The following GSE1 variants were observed in gnomAD, a reference collection of about 807,000 sequenced individuals.
GSE1 encodes the protein genetic suppressor element 1.
Under a neutral mutation model 112.6 loss-of-function variants are expected in GSE1, and 32 were observed. The observed-to-expected ratio is 0.28, with a 90% confidence interval of 0.21 to 0.38. The LOEUF (loss-of-function observed/expected upper bound fraction) is 0.38. GSE1 is among the 10% of genes least tolerant of loss of function. The pLI is 1.00. For missense variants in GSE1, 2,348 were observed against 1,699.2 expected, an observed-to-expected ratio of 1.38 and a Z score of -6.71; for synonymous variants, 1,115 against 735.6, an observed-to-expected ratio of 1.52 and a Z score of -8.35.
intron 2 of GSE1, among the ~76,000 whole-genome samples, chr16:85,394,883 C>T (rs907408538): frequency 2.6e-5 from 4 of 152,116 alleles, no homozygotes; most frequent in African/African-American, 9.7e-5. Flanking sequence ...TGGCCCAGAC[C>T]AAGGGTAGAT....
chr16:85,310,447 C>A (rs893817298), intron 1 of GSE1, among the ~76,000 whole-genome samples: 1 of 152,082 alleles, frequency 6.6e-6, no homozygotes, highest in African/African-American at 2.4e-5. Context: ...CTCTGATCAG[C>A]GGTTCCTTCC....
rs374991349 is a variant in GSE1, at chr16:85,519,597, T to A, written c.2465-114317T>A. Among the ~76,000 whole-genome samples, 104 of 119,826 alleles carry A rather than the reference T, an allele frequency of 8.7e-4. 1 individual carries two copies. The highest frequency in any genetic ancestry group is 2.4e-3 in the East Asian group (9 of 3,700). 78.6% of individuals were successfully genotyped at this position (119,826 alleles called of 152,430 possible). A position where few individuals can be genotyped will look rare whatever the true frequency, so the allele number is the denominator to read the frequency against. ...ATCACCAGTCTCCATCATCATCACC[T>A]TCACCACCATCATCACCATCACCAC... On this transcript the variant is annotated intron_variant, in intron 2 of 2. Transcript: ENST00000637419.
chr16:85,614,440 C>T (rs1433981825), intron 1 of GSE1, among the ~76,000 whole-genome samples: 1 of 152,240 alleles, frequency 6.6e-6, no homozygotes, highest in African/African-American at 2.4e-5. Context: ...TCCCCAGCGC[C>T]GGGTGGGGGA....
At chr16:85,630,266 G>A (rs998399953) in intron 1 of GSE1, among the ~76,000 whole-genome samples, 12 of 152,348 alleles carry the variant, frequency 7.9e-5, no homozygotes, top group African/African-American at 2.9e-4. Context: ...TTCATCAGAA[G>A]TGAGTTGCTC....
intron 1 of GSE1, among the ~76,000 whole-genome samples, chr16:85,228,523 G>C (rs1332499521): frequency 6.6e-6 from 1 of 152,220 alleles, no homozygotes; most frequent in Non-Finnish European, 1.5e-5. Context: ...CCCAGCCCTA[G>C]TGTGCTTTCC....
intron 2 of GSE1, among the ~76,000 whole-genome samples, chr16:85,485,097 C>T (rs2050791377): frequency 6.6e-6 from 1 of 152,240 alleles, no homozygotes; most frequent in South Asian, 2.1e-4. Flanking sequence ...TCCGCCACCA[C>T]AGACAAAAGC....
At chr16:85,541,286 A>G (rs933219526) in intron 2 of GSE1, among the ~76,000 whole-genome samples, 1 of 152,164 alleles carries the variant, frequency 6.6e-6, no homozygotes, top group Non-Finnish European at 1.5e-5. Context: ...GTTGGGGGTG[A>G]CCGAGACACA....
At chr16:85,463,713 G>A (rs925636979) in intron 2 of GSE1, among the ~76,000 whole-genome samples, 1 of 152,160 alleles carries the variant, frequency 6.6e-6, no homozygotes, top group Admixed American at 6.5e-5. Flanking sequence ...TCAAGGCCTC[G>A]CATCACTGGC....
intron 2 of GSE1, among the ~76,000 whole-genome samples, chr16:85,430,982 A>G (rs910133717): frequency 6.6e-6 from 1 of 152,056 alleles, no homozygotes; most frequent in South Asian, 2.1e-4. Flanking sequence ...GATACAGAAC[A>G]TTTCCAGCCC....
At chr16:85,338,543 A>C (rs895111227) in intron 1 of GSE1, among the ~76,000 whole-genome samples, 1 of 152,246 alleles carries the variant, frequency 6.6e-6, no homozygotes, top group Admixed American at 6.5e-5. Context: ...AAGATTTGCA[A>C]AGTGCTTGAG....
At chr16:85,614,761 C>G (rs564229765) in intron 1 of GSE1, among the ~76,000 whole-genome samples, 2 of 152,224 alleles carry the variant, frequency 1.3e-5, no homozygotes, top group Non-Finnish European at 2.9e-5. Context: ...AACCCTTGCT[C>G]CCCGCTGCGG....
intron 3 of GSE1, among the ~76,000 whole-genome samples, chr16:85,653,852 G>C (rs1338955563): frequency 6.6e-6 from 1 of 152,198 alleles, no homozygotes; most frequent in Admixed American, 6.5e-5. Flanking sequence ...CTACATCGTG[G>C]CACTCGCTTC....
intron 2 of GSE1, among the ~76,000 whole-genome samples, chr16:85,408,095 C>A (rs1409484217): frequency 2.0e-5 from 1 of 50,102 alleles, no homozygotes; most frequent in Non-Finnish European, 4.1e-5. Flanking sequence ...CACTCAGGGC[C>A]CCCCTGGATA....
chr16:85,660,286 A>G (rs2052323873), intron 8 of GSE1, among the ~76,000 whole-genome samples: 1 of 152,192 alleles, frequency 6.6e-6, no homozygotes, highest in South Asian at 2.1e-4. Flanking sequence ...TGCCTTCCCT[A>G]GCAGCTTAGG....
chr16:85,329,268 T>A (rs1038652922), intron 1 of GSE1, among the ~76,000 whole-genome samples: 3 of 152,188 alleles, frequency 2.0e-5, no homozygotes, highest in African/African-American at 7.2e-5. Flanking sequence ...GGACGCTGGC[T>A]GCCTCCAGGG....
At chr16:85,469,861 G>A (rs1483201630) in intron 2 of GSE1, among the ~76,000 whole-genome samples, 4 of 152,222 alleles carry the variant, frequency 2.6e-5, no homozygotes, top group South Asian at 2.1e-4. Flanking sequence ...GGGACACCAC[G>A]AGTGGGAGGC....
intron 1 of GSE1, among the ~76,000 whole-genome samples, chr16:85,589,358 C>T (rs1329477283): frequency 6.6e-6 from 1 of 152,104 alleles, no homozygotes; most frequent in Admixed American, 6.5e-5. Flanking sequence ...GACCTGAGAG[C>T]CCTGGACGCT....
chr16:85,576,368 C>T (rs114303012), intron 1 of GSE1, among the ~76,000 whole-genome samples: 230 of 152,242 alleles, frequency 1.5e-3, no homozygotes, highest in African/African-American at 5.2e-3. Context: ...TATCTCTTAA[C>T]GAAGGACTTT....
chr16:85,371,189 G>A (rs74034704), intron 2 of GSE1, among the ~76,000 whole-genome samples: 3,872 of 152,270 alleles, frequency 0.025, 149 homozygotes, highest in African/African-American at 0.088. Context: ...GCTGCTCCTC[G>A]GGCTACCAGG....
Sources: allele counts gnomAD v4.1 joint callset (sites outside exome capture counted in the v4.1 genomes callset), GRCh38; gene constraint gnomAD v4.1.1; transcripts MANE v1.5; gene names NCBI Gene and HGNC (gene_info 2026-07-23, HGNC 2026-07-21).